Variants in DHCR24 observed in about 807,000 individuals in gnomAD.
The protein encoded by DHCR24 is delta(24)-sterol reductase.
A neutral mutation model predicts 61.2 loss-of-function variants in DHCR24; 28 were observed. The observed-to-expected ratio is 0.46, with a 90% CI of 0.34 to 0.63. DHCR24 has a LOEUF of 0.63. Among genes scored for constraint, DHCR24 ranks in the 20% least tolerant of loss-of-function variants. DHCR24 has a pLI of 0.01. For synonymous variants in DHCR24, 261 were observed against 275.9 expected (o/e 0.95, Z 0.54); for missense variants, 538 against 679.1 (o/e 0.79, Z 2.31).
chr1:54,868,679 T>C (rs1646980990), intron 5 of DHCR24, among the ~76,000 whole-genome samples: 1 of 38,068 alleles, frequency 2.6e-5, no homozygotes, highest in Non-Finnish European at 7.8e-5. Flanking sequence ...ACAGTGATGG[T>C]TATGAAGGCA....
At chr1:54,852,846 C>T (rs950590499) in intron 8 of DHCR24, among the ~76,000 whole-genome samples, 9 of 152,162 alleles carry the variant, frequency 5.9e-5, no homozygotes, top group Admixed American at 5.9e-4. Flanking sequence ...TTCCCCATGC[C>T]CCTTAGTTAT....
chr1:54,885,753 T>A (rs1647089831), intron 1 of DHCR24, among the ~76,000 whole-genome samples: 1 of 151,858 alleles, frequency 6.6e-6, no homozygotes, highest in Non-Finnish European at 1.5e-5. Context: ...CACAGGCGAG[T>A]CACATAACAG....
chr1:54,852,445 G>A (rs1438656601), intron 8 of DHCR24, 59 bp from the exon 9 acceptor site: 4 of 1,595,656 alleles, frequency 2.5e-6, no homozygotes, highest in East Asian at 4.5e-5. Context: ...CGAGGCGTGA[G>A]AGAAACCCAA....
rs764721170 is a variant in DHCR24, at chr1:54,852,400, G to A, written c.1398-14C>T. ...AGCATCTGGAAGCTGCAGAGGCAGAGAAGTGGGTGAGGACGCCAGGAGGCA... is the reference window on the plus strand; with the variant it reads ...AGCATCTGGAAGCTGCAGAGGCAGAAAAGTGGGTGAGGACGCCAGGAGGCA... On this transcript the variant is annotated splice_polypyrimidine_tract_variant and intron_variant, in intron 8 of 8. Coordinates refer to ENST00000371269, the MANE Select transcript of DHCR24 (RefSeq NM_014762.4). 2.5e-6 allele frequency: 4 copies of A among 1,613,738 alleles called. No individual in the cohort carries two copies. In the South Asian group the frequency reaches 4.4e-5, roughly 18 times the overall value.
intron 8 of DHCR24, 110 bp from the exon 9 acceptor site, chr1:54,852,496 C>T (rs1325574238): frequency 7.9e-7 from 1 of 1,267,054 alleles, no homozygotes; most frequent in African/African-American, 1.5e-5. Context: ...TGGAGGATTT[C>T]TCTTGTTTAA....
At chr1:54,869,180 A>G (rs1646983512) in intron 5 of DHCR24, among the ~76,000 whole-genome samples, 1 of 152,256 alleles carries the variant, frequency 6.6e-6, no homozygotes, top group Non-Finnish European at 1.5e-5. Flanking sequence ...GTGATCCAAG[A>G]ACTGCAAAAT....
At chr1:54,858,050 G>T (rs531412423) in intron 6 of DHCR24, among the ~76,000 whole-genome samples, 1 of 152,334 alleles carries the variant, frequency 6.6e-6, no homozygotes, top group South Asian at 2.1e-4. Flanking sequence ...CCAGCAGAGG[G>T]GGGGAAAAGG....
rs1647098325 is a variant in DHCR24, at chr1:54,886,639, CTCTTCCCCT to C, written c.231+241_231+249del. The C allele has an allele frequency of 2.0e-6, 3 of 1,492,520 alleles. No homozygotes were observed. In the African/African-American group the frequency reaches 4.2e-5, roughly 21 times the overall value. The allele number at this position is 1,492,520 out of a possible 1,614,324, so 92.5% of individuals were successfully genotyped here. A position where few individuals can be genotyped will look rare whatever the true frequency, so the allele number is the denominator to read the frequency against. On this transcript the variant is annotated intron_variant, in intron 1 of 8. Transcript: ENST00000371269. ...TTACCTGAGTGCTTCGCACCTCCCC[CTCTTCCCCT>C]TCTTCATCTCCCTCCAGGTACCCGC...
At chr1:54,860,860 C>T (rs1435399304) in intron 6 of DHCR24, among the ~76,000 whole-genome samples, 2 of 125,730 alleles carry the variant, frequency 1.6e-5, no homozygotes, top group Admixed American at 8.0e-5. Context: ...CAGTGGCAGG[C>T]GCCTGTAGTC....
At chr1:54,859,627 G>A (rs1646925118) in intron 6 of DHCR24, among the ~76,000 whole-genome samples, 1 of 152,006 alleles carries the variant, frequency 6.6e-6, no homozygotes, top group African/African-American at 2.4e-5. Context: ...AACCCACCTG[G>A]TTCATTTTTG....
At chr1:54,864,456 A>G (rs1387820929) in intron 6 of DHCR24, among the ~76,000 whole-genome samples, 2 of 152,238 alleles carry the variant, frequency 1.3e-5, no homozygotes, top group Non-Finnish European at 2.9e-5. Flanking sequence ...ATGATTCCAT[A>G]TATGTGAAAT....
intron 5 of DHCR24, among the ~76,000 whole-genome samples, chr1:54,870,632 G>T (rs1217840932): frequency 2.6e-5 from 4 of 152,210 alleles, no homozygotes; most frequent in Admixed American, 6.5e-5. Context: ...AAAAAAGTCT[G>T]TCCATGTTCA....
chr1:54,852,402 AGT>A lies in DHCR24; in HGVS notation c.1398-18_1398-17del. Reference sequence around the variant, plus strand: ...CATCTGGAAGCTGCAGAGGCAGAGAAGTGGGTGAGGACGCCAGGAGGCACACG... The same window carrying A: ...CATCTGGAAGCTGCAGAGGCAGAGAAGGGTGAGGACGCCAGGAGGCACACG... On this transcript the variant is annotated splice_polypyrimidine_tract_variant and intron_variant, in intron 8 of 8. Coordinates refer to ENST00000371269, the MANE Select transcript of DHCR24 (RefSeq NM_014762.4). 1.2e-6 allele frequency: 2 copies of A among 1,613,706 alleles called. No individual in the cohort carries two copies. The highest frequency in any genetic ancestry group is 2.7e-5 in the African/African-American group (2 of 75,056).
rs1405431213 is a variant in DHCR24, at chr1:54,852,219, A to G, written c.*14T>C. The G allele has an allele frequency of 6.2e-7, 1 of 1,614,156 alleles. No individual in the cohort carries two copies. Among genetic ancestry groups the G allele is most frequent in the Admixed American group, 1.7e-5 (1 of 60,028 alleles). The stretch of plus-strand genomic sequence containing the variant: ...ACCACTCACACGTGTCTGTCTCTCC[A>G]GGCGGGCTCCAGCTCAGTGCCTGGC... On this transcript the variant is annotated 3_prime_UTR_variant, in exon 9 of 9. Coordinates refer to ENST00000371269, the MANE Select transcript of DHCR24 (RefSeq NM_014762.4).
chr1:54,857,749 C>T (rs2101558942), intron 6 of DHCR24, among the ~76,000 whole-genome samples: 1 of 152,186 alleles, frequency 6.6e-6, no homozygotes, highest in Middle Eastern at 3.4e-3. Flanking sequence ...AAGAAAAAAG[C>T]TTTATATTTA....
At chr1:54,871,739 T>A in intron 4 of DHCR24, 126 bp from the exon 5 acceptor site, 1 of 1,341,284 alleles carries the variant, frequency 7.5e-7, no homozygotes, top group Non-Finnish European at 1.0e-6. Flanking sequence ...ACCCAAACAA[T>A]GAGCTTTACA....
At chr1:54,879,601 C>G (rs998914540) in intron 2 of DHCR24, among the ~76,000 whole-genome samples, 4 of 151,918 alleles carry the variant, frequency 2.6e-5, no homozygotes, top group African/African-American at 9.7e-5. Flanking sequence ...AAGGAGGGGA[C>G]AGAAAAACAG....
intron 2 of DHCR24, among the ~76,000 whole-genome samples, chr1:54,876,794 G>A (rs1557438311): frequency 6.6e-6 from 1 of 151,924 alleles, no homozygotes; most frequent in Non-Finnish European, 1.5e-5. Flanking sequence ...ACAGGTCTCA[G>A]TTAATCCAGA....
Position 54,887,150 on chromosome 1 carries a change from T to A in DHCR24, c.-31A>T. The stretch of plus-strand genomic sequence containing the variant: ...GGCGCCGCGCGGTAAGCGCTGCGGG[T>A]TCGCGCCTCCTGTCACTGCCGCCAG... On this transcript the variant is annotated 5_prime_UTR_variant, in exon 1 of 9. Coordinates refer to ENST00000371269, the MANE Select transcript of DHCR24 (RefSeq NM_014762.4). 6.5e-7 allele frequency: 1 copy of A among 1,531,078 alleles called. No homozygotes were observed. Among genetic ancestry groups the A allele is most frequent in the Non-Finnish European group, 8.8e-7 (1 of 1,136,444 alleles). The allele number at this position is 1,531,078 out of a possible 1,614,324, so 94.8% of individuals were successfully genotyped here.
Sources: gnomAD v4.1 joint callset for allele counts (sites outside exome capture counted in the v4.1 genomes callset) on GRCh38, gnomAD v4.1.1 for gene constraint, MANE v1.5 for transcripts, NCBI Gene and HGNC (gene_info 2026-07-23, HGNC 2026-07-21) for gene names.